Variants in QRFPR observed in about 807,000 individuals in gnomAD.
QRFPR encodes pyroglutamylated RFamide peptide receptor.
Under a neutral mutation model 31.3 loss-of-function variants are expected in QRFPR, and 37 were observed. That is an observed-to-expected ratio of 1.18 (90% CI 0.91 to 1.56). The LOEUF is 1.56. Ranked by LOEUF, QRFPR falls within the 40% of genes most tolerant of loss-of-function variation. The pLI is 0.00. For missense variants in QRFPR, 542 were observed against 532.5 expected, an observed-to-expected ratio of 1.02 and a Z score of -0.18; for synonymous variants, 197 against 192.0, an observed-to-expected ratio of 1.03 and a Z score of -0.22.
intron 1 of QRFPR, among the ~76,000 whole-genome samples, chr4:121,374,034 G>A (rs1451392524): frequency 1.3e-5 from 2 of 152,172 alleles, no homozygotes; most frequent in African/African-American, 2.4e-5. Context: ...AAAATAGACT[G>A]AAAAACCTTT....
chr4:121,377,159 A>G (rs1560748044), intron 1 of QRFPR, among the ~76,000 whole-genome samples: 1 of 152,346 alleles, frequency 6.6e-6, no homozygotes, highest in Non-Finnish European at 1.5e-5. Flanking sequence ...AGAAGTCAGC[A>G]TCATAAAAAT....
intron 1 of QRFPR, among the ~76,000 whole-genome samples, chr4:121,342,129 C>T (rs975477735): frequency 3.9e-5 from 6 of 152,148 alleles, no homozygotes; most frequent in South Asian, 4.1e-4. Context: ...ACTGAAGGCG[C>T]GAATAGAACA....
intron 1 of QRFPR, among the ~76,000 whole-genome samples, chr4:121,375,451 A>G (rs930961194): frequency 6.6e-6 from 1 of 152,336 alleles, no homozygotes; most frequent in South Asian, 2.1e-4. Flanking sequence ...GCAATATCCC[A>G]GTGCACACAG....
At chr4:121,380,188 A>AGG in intron 1 of QRFPR, 120 bp downstream of exon 1, 1 of 94,468 alleles carries the variant, frequency 1.1e-5, no homozygotes, top group Non-Finnish European at 1.8e-5. Context: ...ACGAGAGAGG[A>AGG]GAGAGAGAGA....
rs1428292066 is a variant in QRFPR, at chr4:121,329,018, T to C, written c.*296A>G. ...ATCCGCCCGTCTAGGCCTCCCAAAG[T>C]GCTGGGATTACAGGCATGAGCCACC... On this transcript the variant is annotated 3_prime_UTR_variant, in exon 6 of 6. Coordinates refer to ENST00000394427, the MANE Select transcript of QRFPR (RefSeq NM_198179.3). 4.7e-6 allele frequency: 1 copy of C among 214,306 alleles called. No individual in the cohort carries two copies. The highest frequency in any genetic ancestry group is 9.1e-6 in the Non-Finnish European group (1 of 109,382). 13.3% of individuals were successfully genotyped at this position (214,306 alleles called of 1,614,324 possible).
intron 1 of QRFPR, among the ~76,000 whole-genome samples, chr4:121,359,714 T>C (rs985195878): frequency 2.7e-5 from 4 of 150,056 alleles, no homozygotes; most frequent in African/African-American, 1.0e-4. Flanking sequence ...TGTGTGTGTG[T>C]GTATATATGT....
chr4:121,354,082 G>GC (rs771705407), intron 1 of QRFPR, among the ~76,000 whole-genome samples: 4 of 152,066 alleles, frequency 2.6e-5, no homozygotes, highest in Non-Finnish European at 5.9e-5. Flanking sequence ...TCTTTTTCAT[G>GC]CTAACACCTT....
chr4:121,335,184 G>A (rs1391809687), intron 3 of QRFPR, among the ~76,000 whole-genome samples: 2 of 151,876 alleles, frequency 1.3e-5, no homozygotes, highest in African/African-American at 4.8e-5. Context: ...AATATTTAGG[G>A]TATTTTTTAA....
chr4:121,342,024 C>T (rs1034964832), intron 1 of QRFPR, among the ~76,000 whole-genome samples: 2 of 152,140 alleles, frequency 1.3e-5, no homozygotes, highest in African/African-American at 4.8e-5. Context: ...TCTGGATATG[C>T]CTGCGAGGGT....
intron 2 of QRFPR, among the ~76,000 whole-genome samples, chr4:121,339,522 C>G (rs985914057): frequency 6.6e-6 from 1 of 152,132 alleles, no homozygotes; most frequent in Non-Finnish European, 1.5e-5. Context: ...CCAGGCATCC[C>G]CAGCACTCAG....
chr4:121,349,656 C>T (rs1053337452), intron 1 of QRFPR, among the ~76,000 whole-genome samples: 3 of 152,108 alleles, frequency 2.0e-5, no homozygotes, highest in Admixed American at 1.3e-4. Context: ...AATGTGCCCT[C>T]GTCACCGATT....
chr4:121,380,492 G>C lies in QRFPR; in HGVS notation c.156C>G (p.Gly52=), dbSNP rs1448212620. ...AGAGCGCCAGGGCGAAGATGAGCAC[G>C]CCGGTGAGCACGAGGGCCAGCTTGG... ...GRAKLALVLT[G]VLIFALALFG... is the part of the protein sequence containing the mutation. Residue 52 remains glycine, a synonymous_variant, in exon 1 of 6, where the codon GGC becomes GGG. Coordinates refer to ENST00000394427, the MANE Select transcript of QRFPR (RefSeq NM_198179.3). 6.2e-7 allele frequency: 1 copy of C among 1,614,078 alleles called. No individual in the cohort carries two copies. The highest frequency in any genetic ancestry group is 8.5e-7 in the Non-Finnish European group (1 of 1,180,008).
chr4:121,347,182 A>G (rs1244996725), intron 1 of QRFPR, among the ~76,000 whole-genome samples: 2 of 152,196 alleles, frequency 1.3e-5, no homozygotes, highest in East Asian at 3.8e-4. Context: ...TTTCAATTAT[A>G]AATTCAACTT....
intron 1 of QRFPR, among the ~76,000 whole-genome samples, chr4:121,369,260 C>G (rs566385591): frequency 1.3e-5 from 2 of 152,186 alleles, no homozygotes; most frequent in African/African-American, 4.8e-5. Flanking sequence ...AACTCCTGAC[C>G]TCAGGTGATC....
At chr4:121,355,110 G>T (rs572024921) in intron 1 of QRFPR, among the ~76,000 whole-genome samples, 1 of 151,882 alleles carries the variant, frequency 6.6e-6, no homozygotes, top group African/African-American at 2.4e-5. Context: ...TATTCCTTCC[G>T]CTTTGATTTT....
rs538250130 is a variant in QRFPR at position 121,373,375 on chromosome 4, C to T, written c.340+6933G>A. Among the ~76,000 whole-genome samples, 9 of 152,304 alleles carry T rather than the reference C, an allele frequency of 5.9e-5. No individual in the cohort carries two copies. The East Asian group carries it at 7.7e-4, about 13-fold the overall frequency. On this transcript the variant is annotated intron_variant, in intron 1 of 5. Coordinates refer to ENST00000394427, the MANE Select transcript of QRFPR (RefSeq NM_198179.3). Reference sequence around the variant, plus strand: ...GCATCTTTTCTTCTCAAAGTGTGCACGTAATTGATTCTAGGAAAGATCAAC... The same window carrying T: ...GCATCTTTTCTTCTCAAAGTGTGCATGTAATTGATTCTAGGAAAGATCAAC...
At chr4:121,357,461 C>T (rs1378192307) in intron 1 of QRFPR, among the ~76,000 whole-genome samples, 1 of 152,096 alleles carries the variant, frequency 6.6e-6, no homozygotes, top group South Asian at 2.1e-4. Context: ...TCAGACCACT[C>T]CCTATCTGCT....
At chr4:121,332,775 A>G in intron 4 of QRFPR, 46 bp downstream of exon 4, 1 of 1,442,550 alleles carries the variant, frequency 6.9e-7, no homozygotes. Flanking sequence ...TTCCAGCACA[A>G]TTAATTAAAA....
At chr4:121,349,183 A>G (rs1318017875) in intron 1 of QRFPR, among the ~76,000 whole-genome samples, 2 of 152,184 alleles carry the variant, frequency 1.3e-5, no homozygotes, top group South Asian at 2.1e-4. Context: ...TCTCTTTGTA[A>G]TTAGAAATCT....
Sources: gnomAD v4.1 joint callset for allele counts (sites outside exome capture counted in the v4.1 genomes callset) on GRCh38, gnomAD v4.1.1 for gene constraint, MANE v1.5 for transcripts, NCBI Gene and HGNC (gene_info 2026-07-23, HGNC 2026-07-21) for gene names.